The following AACS variants were observed in gnomAD, a reference collection of about 807,000 sequenced individuals.
AACS encodes acetoacetyl-CoA synthetase.
Under a neutral mutation model 83.1 loss-of-function variants are expected in AACS, and 69 were observed. The observed-to-expected ratio is 0.83, with a 90% CI of 0.68 to 1.01. The LOEUF (loss-of-function observed/expected upper bound fraction) is 1.01, where lower values mean the gene tolerates loss of function less well. Among genes scored for constraint, AACS ranks in the 50% least tolerant of loss-of-function variants. The pLI is 0.00. For synonymous variants in AACS, 333 were observed against 343.4 expected, an observed-to-expected ratio of 0.97 and a Z score of 0.33; for missense variants, 866 against 882.2, an observed-to-expected ratio of 0.98 and a Z score of 0.23.
chr12:125,077,065 G>A (rs1181620236), intron 3 of AACS, among the ~76,000 whole-genome samples: 1 of 145,166 alleles, frequency 6.9e-6, no homozygotes, highest in East Asian at 2.0e-4. Context: ...ACACCACTAT[G>A]CATGGCTGAT....
chr12:125,110,803 C>CTCCTAT (rs1956939241), intron 8 of AACS, among the ~76,000 whole-genome samples: 1 of 152,208 alleles, frequency 6.6e-6, no homozygotes, highest in Admixed American at 6.5e-5. Context: ...GTTCCCTCTA[C>CTCCTAT]CTAGAAGCAG....
rs188972131 is a variant in AACS at position 125,097,082 on chromosome 12, C to T, written c.570+5559C>T. 5.4e-3 allele frequency among the ~76,000 whole-genome samples: 826 copies of T among 152,216 alleles called. 8 individuals are homozygous for T. The highest frequency in any genetic ancestry group is 0.027 in the Middle Eastern group (8 of 294). On this transcript the variant is annotated intron_variant, in intron 5 of 17. Coordinates refer to ENST00000316519, the MANE Select transcript of AACS (RefSeq NM_023928.5). The surrounding 1 kb of genome is among the most constrained non-coding windows in gnomAD (Gnocchi z 4.3). ...GCAGGGTGTATGTTAGCATCAGACGCAAGGAGGGCTAGCCCTGGTGGCCTG... is the reference window on the plus strand; with the variant it reads ...GCAGGGTGTATGTTAGCATCAGACGTAAGGAGGGCTAGCCCTGGTGGCCTG...
At chr12:125,071,326 T>C (rs1049644869) in intron 1 of AACS, among the ~76,000 whole-genome samples, 3 of 152,072 alleles carry the variant, frequency 2.0e-5, no homozygotes, top group African/African-American at 7.2e-5. Flanking sequence ...ATCAGCCCTC[T>C]CAGGTTGGAA....
intron 1 of AACS, among the ~76,000 whole-genome samples, chr12:125,069,178 C>T (rs1434442989): frequency 2.0e-5 from 3 of 152,196 alleles, no homozygotes; most frequent in Non-Finnish European, 4.4e-5. Context: ...TGCCCGCGAA[C>T]TCGTATCCTC....
rs575357653 is a variant in AACS at position 125,127,964 on chromosome 12, G to T, written c.1310-197G>T. 5 of 428,636 alleles carry T rather than the reference G, an allele frequency of 1.2e-5. No homozygotes were observed. In the Admixed American group the frequency reaches 1.2e-4, roughly 10 times the overall value. The allele number at this position is 428,636 out of a possible 1,614,324, so 26.6% of individuals were successfully genotyped here. ...GGCTAAAACGTCAATCACCAGATGT[G>T]GGGGGTTCATTCTAATTTCCATATC... On this transcript the variant is annotated intron_variant, in intron 12 of 17. Coordinates refer to ENST00000316519, the MANE Select transcript of AACS (RefSeq NM_023928.5).
intron 5 of AACS, among the ~76,000 whole-genome samples, chr12:125,093,076 A>G (rs960915817): frequency 6.6e-6 from 1 of 152,102 alleles, no homozygotes; most frequent in African/African-American, 2.4e-5. Context: ...GTTTGTGTGG[A>G]GCCGGGGACA....
At position 125,065,465 on chromosome 12, in the gene AACS, G is replaced by T; in HGVS notation, c.-120G>T. 1 of 1,144,942 alleles carries T rather than the reference G, an allele frequency of 8.7e-7. No homozygotes were observed. The allele number at this position is 1,144,942 out of a possible 1,614,324, so 70.9% of individuals were successfully genotyped here. On this transcript the variant is annotated 5_prime_UTR_variant, in exon 1 of 18. Coordinates refer to ENST00000316519, the MANE Select transcript of AACS (RefSeq NM_023928.5). ...CTTGTTCCCCGCCGCCGCCGTCGCT[G>T]ACCCAGCCCGCCAGGCGCTCCTGAC...
At chr12:125,110,714 C>A (rs1163315996) in intron 8 of AACS, among the ~76,000 whole-genome samples, 3 of 152,186 alleles carry the variant, frequency 2.0e-5, no homozygotes, top group Non-Finnish European at 4.4e-5. Context: ...AGTGGAGAAA[C>A]CTTTGCTTGA....
chr12:125,114,348 C>T, intron 8 of AACS, 129 bp from the exon 9 acceptor site: 1 of 685,132 alleles, frequency 1.5e-6, no homozygotes, highest in Non-Finnish European at 2.4e-6. Context: ...CTGCTTCTCC[C>T]AGGAAAGAAA....
chr12:125,102,081 AAAAAAAAAAC>A (rs1163578283), intron 5 of AACS: 1 of 116,018 alleles, frequency 8.6e-6, no homozygotes, highest in Admixed American at 8.9e-5. Flanking sequence ...AAAAAAAAAC[AAAAAAAAAAC>A]CAGAATCTTG....
chr12:125,085,294 G>A (rs1324572111), intron 3 of AACS, among the ~76,000 whole-genome samples: 1 of 152,166 alleles, frequency 6.6e-6, no homozygotes, highest in Non-Finnish European at 1.5e-5. Context: ...GCACACGCAT[G>A]TTGCATCCAC....
intron 8 of AACS, among the ~76,000 whole-genome samples, chr12:125,112,677 T>TAAAA (rs1300556154): frequency 2.2e-5 from 1 of 45,628 alleles, no homozygotes; most frequent in African/African-American, 1.5e-4. Context: ...AGACTCTGTC[T>TAAAA]CAAAAAAAAA....
chr12:125,115,257 TGA>T (rs1227338428), intron 9 of AACS, among the ~76,000 whole-genome samples: 1 of 149,520 alleles, frequency 6.7e-6, no homozygotes, highest in East Asian at 1.9e-4. Context: ...GCTTCTGTGC[TGA>T]GTTTTTTTTT....
rs1344148825 is a variant in AACS, at chr12:125,136,537, C to CCT, written c.1679-125_1679-124insCT. 7.1e-6 allele frequency: 5 copies of CCT among 702,376 alleles called. No individual in the cohort carries two copies. The Admixed American group carries it at 1.3e-4, about 18-fold the overall frequency. 43.5% of individuals were successfully genotyped at this position (702,376 alleles called of 1,614,324 possible). On this transcript the variant is annotated intron_variant, in intron 16 of 17. Coordinates refer to ENST00000316519, the MANE Select transcript of AACS (RefSeq NM_023928.5). Reference sequence around the variant, plus strand: ...CCTTCTCCTGGGTGGACTGGGAGAACACAGGCACCGCTGGAAGGCTTGGGG... The same window carrying CCT: ...CCTTCTCCTGGGTGGACTGGGAGAACCTACAGGCACCGCTGGAAGGCTTGGGG...
chr12:125,136,547 G>T (rs1292045251), intron 16 of AACS, 115 bp from the exon 17 acceptor site: 2 of 768,468 alleles, frequency 2.6e-6, no homozygotes, highest in Non-Finnish European at 2.1e-6. Context: ...CACAGGCACC[G>T]CTGGAAGGCT....
At chr12:125,075,119 CAT>C (rs1485164390) in intron 2 of AACS, among the ~76,000 whole-genome samples, 2 of 151,666 alleles carry the variant, frequency 1.3e-5, no homozygotes, top group East Asian at 1.9e-4. Context: ...GGATTACAGG[CAT>C]GCGCCACCAC....
intron 3 of AACS, among the ~76,000 whole-genome samples, chr12:125,080,991 T>TTTTTA (rs761700115): frequency 1.4e-5 from 2 of 145,734 alleles, no homozygotes; most frequent in African/African-American, 2.6e-5. Context: ...GTGCCTGGCC[T>TTTTTA]TTTTATTTTA....
intron 3 of AACS, among the ~76,000 whole-genome samples, chr12:125,079,466 C>T (rs1345916171): frequency 3.3e-5 from 5 of 152,180 alleles, no homozygotes; most frequent in African/African-American, 9.7e-5. Context: ...ACTGCAGCCT[C>T]GACTTCCCAG....
intron 17 of AACS, chr12:125,141,024 A>C (rs10846834): frequency 1.3e-5 from 2 of 152,122 alleles, no homozygotes; most frequent in Non-Finnish European, 2.9e-5. Context: ...CTGTGTGTGC[A>C]CTGATTCATT....
Sources: gnomAD v4.1 joint callset for allele counts (sites outside exome capture counted in the v4.1 genomes callset) on GRCh38, gnomAD v4.1.1 for gene constraint, Gnocchi (gnomAD v3.1) non-coding constraint, MANE v1.5 for transcripts, NCBI Gene and HGNC (gene_info 2026-07-23, HGNC 2026-07-21) for gene names.